SH3GL3: variants seen among roughly 807,000 people sequenced by gnomAD.
The protein encoded by SH3GL3 is SH3 domain containing GRB2 like 3, endophilin A3.
Under a neutral mutation model 47.7 loss-of-function variants are expected in SH3GL3, and 33 were observed. That is an observed-to-expected ratio of 0.69 (90% confidence interval 0.52 to 0.92). The LOEUF (loss-of-function observed/expected upper bound fraction) is 0.92. Among genes scored for constraint, SH3GL3 ranks in the 40% least tolerant of loss-of-function variants. The pLI is 0.00. For synonymous variants in SH3GL3, 155 were observed against 148.8 expected, an observed-to-expected ratio of 1.04 and a Z score of -0.30; for missense variants, 363 against 417.8, an observed-to-expected ratio of 0.87 and a Z score of 1.14.
intron 1 of SH3GL3, among the ~76,000 whole-genome samples, chr15:83,487,254 T>A (rs1204015769): frequency 2.0e-5 from 3 of 151,522 alleles, no homozygotes; most frequent in African/African-American, 7.3e-5. Context: ...TTTCCTGCAA[T>A]GACATCAATT....
At chr15:83,559,043 A>G (rs1596256828) in intron 1 of SH3GL3, among the ~76,000 whole-genome samples, 1 of 152,370 alleles carries the variant, frequency 6.6e-6, no homozygotes, top group Middle Eastern at 3.4e-3. Context: ...TAGTAGGTGC[A>G]TAATAAATAT....
intron 8 of SH3GL3, among the ~76,000 whole-genome samples, chr15:83,608,629 C>T (rs562920052): frequency 2.0e-5 from 3 of 152,164 alleles, no homozygotes; most frequent in African/African-American, 2.4e-5. Context: ...AGATTGAGCA[C>T]GGTGCCTGGC....
chr15:83,571,471 C>T (rs959605030), intron 4 of SH3GL3, among the ~76,000 whole-genome samples: 3 of 152,052 alleles, frequency 2.0e-5, no homozygotes, highest in African/African-American at 7.2e-5. Context: ...AATGTAGCTT[C>T]CAAGGAGGAA....
At chr15:83,474,385 A>G (rs1246478481) in intron 1 of SH3GL3, among the ~76,000 whole-genome samples, 1 of 152,188 alleles carries the variant, frequency 6.6e-6, no homozygotes, top group Non-Finnish European at 1.5e-5. Flanking sequence ...GGAGGATGCT[A>G]AAAATCCAGA....
At chr15:83,614,922 C>T (rs1031165867) in intron 8 of SH3GL3, among the ~76,000 whole-genome samples, 12 of 152,170 alleles carry the variant, frequency 7.9e-5, no homozygotes, top group African/African-American at 2.4e-4. Flanking sequence ...TGGCCAGCCA[C>T]AGAAATACCC....
chr15:83,537,641 C>G (rs2043972374), intron 1 of SH3GL3, among the ~76,000 whole-genome samples: 1 of 152,060 alleles, frequency 6.6e-6, no homozygotes, highest in Non-Finnish European at 1.5e-5. Context: ...TATTAAGTCC[C>G]CTGATGATTC....
Position 83,610,596 on chromosome 15 carries a change from ACTAACAAT to A in SH3GL3, c.839-7485_839-7478del, listed in dbSNP as rs1391307293. ...AAAAAGAGTGGGGATAAGACCACAA[ACTAACAAT>A]TTTCAGGGGGTATATTGCATAGGGA... On this transcript the variant is annotated intron_variant, in intron 8 of 8. Coordinates refer to ENST00000427482, the MANE Select transcript of SH3GL3 (RefSeq NM_003027.5). 7.2e-5 allele frequency among the ~76,000 whole-genome samples: 11 copies of A among 152,304 alleles called. No homozygotes were observed. In the East Asian group the frequency reaches 2.1e-3, roughly 29 times the overall value.
chr15:83,543,088 C>G (rs1253572460), intron 1 of SH3GL3, among the ~76,000 whole-genome samples: 1 of 152,008 alleles, frequency 6.6e-6, no homozygotes, highest in Admixed American at 6.5e-5. Context: ...ATTTTTTCCT[C>G]ATTCAGTATG....
At chr15:83,578,854 T>C (rs1245104736) in intron 6 of SH3GL3, among the ~76,000 whole-genome samples, 1 of 152,206 alleles carries the variant, frequency 6.6e-6, no homozygotes, top group Non-Finnish European at 1.5e-5. Context: ...CAGATACTCC[T>C]TGTTGGGCCA....
At chr15:83,623,975 CG>C in the SH3GL3 span, among the ~76,000 whole-genome samples, 11 of 152,112 alleles carry the variant, frequency 7.2e-5, no homozygotes, top group Admixed American at 7.2e-4. Flanking sequence ...TTAGTGGAGA[CG>C]GGGTTTCACC....
In SH3GL3 at chr15:83,554,579, G is replaced by C. The variant is rs546555773; in HGVS notation, c.46-4674G>C. 1.2e-4 allele frequency among the ~76,000 whole-genome samples: 19 copies of C among 152,222 alleles called. No homozygotes were observed. The South Asian group carries it at 3.5e-3, about 28-fold the overall frequency. On this transcript the variant is annotated intron_variant, in intron 1 of 8. Transcript: ENST00000427482. ...ATTTTTGTATTTTTAGTAGAGACAG[G>C]GTTTCACCATGTTGGCCAGGCTGGT...
At chr15:83,595,116 G>A (rs967790440) in intron 8 of SH3GL3, among the ~76,000 whole-genome samples, 3 of 152,156 alleles carry the variant, frequency 2.0e-5, no homozygotes, top group Non-Finnish European at 4.4e-5. Context: ...GCCCATCGGT[G>A]GCAGACTGGA....
At chr15:83,591,550 G>A (rs1390377232) in intron 8 of SH3GL3, among the ~76,000 whole-genome samples, 3 of 151,614 alleles carry the variant, frequency 2.0e-5, no homozygotes, top group Admixed American at 1.3e-4. Context: ...GGTAATATAC[G>A]TATGTGGTTT....
intron 1 of SH3GL3, among the ~76,000 whole-genome samples, chr15:83,506,878 TG>T (rs2042528901): frequency 1.3e-5 from 2 of 152,058 alleles, no homozygotes; most frequent in Admixed American, 6.6e-5. Flanking sequence ...GGCTGAAGGC[TG>T]GGGAGCATCG....
chr15:83,609,148 A>G, intron 8 of SH3GL3: 2 of 409,024 alleles, frequency 4.9e-6, no homozygotes, highest in Non-Finnish European at 1.0e-5. Flanking sequence ...ACCTCACAGG[A>G]TTATTCTAAG....
chr15:83,606,016 A>AG lies in SH3GL3; in HGVS notation c.839-12065dup, dbSNP rs574098175. 3.3e-5 allele frequency among the ~76,000 whole-genome samples: 5 copies of AG among 152,172 alleles called. No homozygotes were observed. In the South Asian group the frequency reaches 6.2e-4, roughly 19 times the overall value. On this transcript the variant is annotated intron_variant, in intron 8 of 8. Transcript: ENST00000427482. ...TATATATTTAAAGACTAGAGGACAA[A>AG]GTGTATTTTATCAACTCATTTTTTA...
intron 8 of SH3GL3, among the ~76,000 whole-genome samples, chr15:83,594,188 T>A (rs778675686): frequency 2.0e-5 from 3 of 152,220 alleles, no homozygotes; most frequent in African/African-American, 7.2e-5. Context: ...AGAGTTTTAA[T>A]GAGAAACAGT....
chr15:83,582,143 C>T (rs1314892309), intron 6 of SH3GL3, among the ~76,000 whole-genome samples: 5 of 152,366 alleles, frequency 3.3e-5, no homozygotes, highest in Middle Eastern at 3.4e-3. Flanking sequence ...CACACTGTCA[C>T]CTCTTCTGTC....
chr15:83,570,417 A>G (rs2045759912), intron 4 of SH3GL3, among the ~76,000 whole-genome samples: 1 of 152,146 alleles, frequency 6.6e-6, no homozygotes, highest in Non-Finnish European at 1.5e-5. Context: ...ATACTTTAAT[A>G]TATTATTTAC....
Sources: allele counts gnomAD v4.1 joint callset (sites outside exome capture counted in the v4.1 genomes callset), GRCh38; gene constraint gnomAD v4.1.1; transcripts MANE v1.5; gene names NCBI Gene and HGNC (gene_info 2026-07-23, HGNC 2026-07-21).